Variants in INF2 observed in about 807,000 individuals in gnomAD.
INF2 encodes inverted formin-2.
Under a neutral mutation model 123.5 loss-of-function variants are expected in INF2, and 43 were observed. The ratio of observed to expected loss-of-function variants is 0.35; its 90% CI spans 0.27 to 0.45. The LOEUF is 0.45. INF2 is among the 20% of genes least tolerant of loss of function. INF2 has a pLI of 1.00. For missense variants in INF2, 1,453 were observed against 1,682.7 expected, an observed-to-expected ratio of 0.86 and a Z score of 2.39; for synonymous variants, 851 against 745.0, an observed-to-expected ratio of 1.14 and a Z score of -2.32.
chr14:104,705,574 T>G (rs1405191703), intron 5 of INF2, among the ~76,000 whole-genome samples: 1 of 152,088 alleles, frequency 6.6e-6, no homozygotes, highest in Non-Finnish European at 1.5e-5. Context: ...GAACACTAAG[T>G]TTCCTCCTGC....
At position 104,707,676 on chromosome 14, in the gene INF2, C is replaced by T. The variant is rs1166010216; in HGVS notation, c.1409C>T (p.Ala470Val). 2 of 760,182 alleles carry T rather than the reference C, an allele frequency of 2.6e-6. No homozygotes were observed. Among genetic ancestry groups the T allele is most frequent in the Admixed American group, 2.5e-5 (1 of 40,140 alleles). 47.1% of individuals were successfully genotyped at this position (760,182 alleles called of 1,614,324 possible). A position where few individuals can be genotyped will look rare whatever the true frequency, so the allele number is the denominator to read the frequency against. ...PPPLPGLGAM[A>V]PPAPPLPPPL... ...CCCCTGCCAGGCCTGGGGGCCATGG[C>T]CCCCCCAGCACCTCCTCTACCACCA... is the stretch of plus-strand genomic sequence containing the variant. Residue 470 changes from alanine (A) to valine (V), a missense_variant, in exon 8 of 23, where the codon GCC becomes GTC. Physicochemically the swap from Ala to Val is moderately conservative, Grantham distance 64 (BLOSUM62 0). Coordinates refer to ENST00000392634, the MANE Select transcript of INF2 (RefSeq NM_022489.4).
At chr14:104,717,343 G>C in intron 22 of INF2, among the ~76,000 whole-genome samples, 1 of 133,404 alleles carries the variant, frequency 7.5e-6, no homozygotes, top group East Asian at 2.4e-4. Flanking sequence ...CCGCCCCCCC[G>C]GGCAGGGTGC....
intron 1 of INF2, among the ~76,000 whole-genome samples, chr14:104,681,926 C>T (rs139530159): frequency 2.7e-4 from 41 of 152,084 alleles, no homozygotes; most frequent in African/African-American, 8.0e-4. Flanking sequence ...CAGGCTGAGG[C>T]GCTGTGGGAA....
upstream of INF2, among the ~76,000 whole-genome samples, chr14:104,685,918 T>G (rs903156102): frequency 1.9e-3 from 5 of 2,608 alleles, no homozygotes; most frequent in Admixed American, 4.2e-3. Context: ...TGAGGGTGGG[T>G]GGGTGAGTGG....
At chr14:104,704,388 T>C in intron 5 of INF2, 1 of 241,930 alleles carries the variant, frequency 4.1e-6, no homozygotes, top group Non-Finnish European at 8.0e-6. Flanking sequence ...CGCTACTTGG[T>C]GTCAGGCCCA....
At position 104,701,711 on chromosome 14, in the gene INF2, G is replaced by A. The variant is rs1181636296; in HGVS notation, c.346G>A (p.Glu116Lys). ...CGTCATGAACTCGCGGCAGGGCATC[G>A]AGTACATCCTCAGCAACCAGGGCTA... The part of the protein sequence containing the change: ...RAVMNSRQGI[E>K]YILSNQGYVR... Residue 116 changes from glutamate to lysine, a missense_variant, in exon 2 of 23, where the codon GAG becomes AAG. By Grantham distance (56) the Glu-to-Lys change is moderately conservative. Around this residue, in one of 8 missense-constraint regions of INF2, gnomAD observed 251 missense variants for 349.4 expected, o/e 0.72. Transcript: ENST00000392634. 6 of 1,544,898 alleles carry A rather than the reference G, an allele frequency of 3.9e-6. No homozygotes were observed. Among genetic ancestry groups the A allele is most frequent in the Non-Finnish European group, 5.2e-6 (6 of 1,145,186 alleles).
At position 104,709,381 on chromosome 14, in the gene INF2, G is replaced by A. The variant is rs770166116; in HGVS notation, c.2050G>A (p.Glu684Lys). Residue 684 changes from glutamate (E) to lysine (K), a missense_variant and splice_region_variant, in exon 11 of 23, where the codon GAG becomes AAG. By Grantham distance (56) the Glu-to-Lys change is moderately conservative. Coordinates refer to ENST00000392634, the MANE Select transcript of INF2 (RefSeq NM_022489.4). ...CCTTAAGCTCCTTCCCGAGAAGCAC[G>A]AGGTAAGAGGACCACCCCCACACCC... Reference protein sequence around the residue: ...QLLKLLPEKHEIENLRAFTEE... With the variant: ...QLLKLLPEKHKIENLRAFTEE... 5.0e-6 allele frequency: 8 copies of A among 1,610,232 alleles called. No homozygotes were observed. The highest frequency in any genetic ancestry group is 1.7e-5 in the Admixed American group (1 of 60,000).
rs186410473 is a variant in INF2, at chr14:104,709,717, C to T, written c.2138+12C>T. ...CTGGCCATTCCCTGGTGAGCATGGCCGCCCTCAGACCCCAGGGCCTGGGCC... is the reference window on the plus strand; with the variant it reads ...CTGGCCATTCCCTGGTGAGCATGGCTGCCCTCAGACCCCAGGGCCTGGGCC... On this transcript the variant is annotated intron_variant, in intron 12 of 22. Coordinates refer to ENST00000392634, the MANE Select transcript of INF2 (RefSeq NM_022489.4). The T allele has an allele frequency of 1.1e-4, 182 of 1,610,020 alleles. 1 individual carries two copies. In the African/African-American group the frequency reaches 1.6e-3, roughly 14 times the overall value.
intron 22 of INF2, among the ~76,000 whole-genome samples, chr14:104,716,825 G>C (rs1348732685): frequency 2.0e-5 from 3 of 152,108 alleles, no homozygotes; most frequent in African/African-American, 7.2e-5. Flanking sequence ...CGAGTAGCTG[G>C]GACCACAGGC....
At chr14:104,683,562 T>C (rs541418009) in intron 1 of INF2, among the ~76,000 whole-genome samples, 2 of 151,728 alleles carry the variant, frequency 1.3e-5, no homozygotes, top group East Asian at 1.9e-4. Flanking sequence ...GGTGTCCTCA[T>C]TCCAGTCACC....
upstream of INF2, among the ~76,000 whole-genome samples, chr14:104,686,272 T>C (rs1888661039): frequency 6.8e-6 from 1 of 146,318 alleles, no homozygotes; most frequent in South Asian, 2.2e-4. Context: ...GATGGGCAGA[T>C]GGATGGATAA....
At chr14:104,683,838 C>A (rs988260976) in intron 1 of INF2, among the ~76,000 whole-genome samples, 2 of 152,174 alleles carry the variant, frequency 1.3e-5, no homozygotes, top group Non-Finnish European at 2.9e-5. Flanking sequence ...CCCTTCTCTG[C>A]CGCCCCACCC....
chr14:104,711,803 A>G (rs1890061095), intron 16 of INF2, 104 bp downstream of exon 16: 2 of 1,082,848 alleles, frequency 1.8e-6, no homozygotes. Context: ...TCACAGCTGC[A>G]GCGCAGCCCC....
chr14:104,687,873 C>T (rs1175661574), upstream of INF2, among the ~76,000 whole-genome samples: 5 of 152,254 alleles, frequency 3.3e-5, no homozygotes, highest in African/African-American at 1.2e-4. This position sits in a 1 kb window ranked among gnomAD's most constrained non-coding sequence, Gnocchi z 5.6. Flanking sequence ...TCCTCACATT[C>T]CTCCATTCAC....
intron 16 of INF2, 102 bp from the exon 17 acceptor site, chr14:104,712,331 G>T (rs1300603723): frequency 8.1e-6 from 12 of 1,486,500 alleles, no homozygotes; most frequent in Non-Finnish European, 1.1e-5. Flanking sequence ...AGCCTGCAGG[G>T]TGCACAGTGG....
At chr14:104,716,493 G>C (rs1439663565) in intron 22 of INF2, among the ~76,000 whole-genome samples, 2 of 152,204 alleles carry the variant, frequency 1.3e-5, no homozygotes, top group Non-Finnish European at 2.9e-5. Flanking sequence ...GTGAGGAACA[G>C]TGGAGCATGC....
At chr14:104,689,577 C>T, upstream of INF2, 2 of 928,526 alleles carry the variant, frequency 2.2e-6, no homozygotes, top group Non-Finnish European at 2.6e-6. Flanking sequence ...GGCGGGGCGG[C>T]ACCTCCTCTT....
At chr14:104,709,194 GA>G in intron 10 of INF2, 86 bp from the exon 11 acceptor site, 1 of 1,034,328 alleles carries the variant, frequency 9.7e-7, no homozygotes, top group Non-Finnish European at 1.5e-6. Context: ...ACTACGTGGG[GA>G]AACCCTGCCA....
intron 10 of INF2, 69 bp from the exon 11 acceptor site, chr14:104,709,212 G>A (rs1889925670): frequency 1.6e-6 from 2 of 1,235,916 alleles, no homozygotes; most frequent in Non-Finnish European, 2.3e-6. Context: ...GCCAGGTGGG[G>A]TCCCAAAGAG....
Sources: gnomAD v4.1 joint callset for allele counts (sites outside exome capture counted in the v4.1 genomes callset) on GRCh38, gnomAD v4.1.1 for gene constraint, gnomAD v4.1.1 regional missense constraint, Gnocchi (gnomAD v3.1) non-coding constraint, MANE v1.5 for transcripts, NCBI Gene and HGNC (gene_info 2026-07-23, HGNC 2026-07-21) for gene names.